Variants in TMEM232 observed in about 807,000 individuals in gnomAD.
TMEM232 encodes the protein transmembrane protein 232.
A neutral mutation model predicts 78.8 loss-of-function variants in TMEM232; 80 were observed. The observed-to-expected ratio is 1.01, with a 90% confidence interval of 0.85 to 1.22. The LOEUF (loss-of-function observed/expected upper bound fraction) is 1.22, where lower values mean the gene tolerates loss of function less well. Among genes scored for constraint, TMEM232 ranks in the 50% most tolerant of loss-of-function variants. The pLI is 0.00. For missense variants in TMEM232, 881 were observed against 742.2 expected (o/e 1.19, Z -2.17); for synonymous variants, 297 against 254.3 (o/e 1.17, Z -1.60).
chr5:110,498,825 A>C (rs1268169868), intron 12 of TMEM232, among the ~76,000 whole-genome samples: 1 of 152,148 alleles, frequency 6.6e-6, no homozygotes, highest in Admixed American at 6.6e-5. Flanking sequence ...CTAAGACTAA[A>C]AGCTAAACTA....
chr5:110,719,023 CAA>C (rs922581049), intron 1 of TMEM232, among the ~76,000 whole-genome samples: 2 of 151,982 alleles, frequency 1.3e-5, no homozygotes, highest in African/African-American at 4.8e-5. Context: ...GTGCAAACAT[CAA>C]AGAGTCTACT....
intron 1 of TMEM232, among the ~76,000 whole-genome samples, chr5:110,735,818 G>T (rs890095726): frequency 1.3e-5 from 2 of 152,132 alleles, no homozygotes; most frequent in Non-Finnish European, 2.9e-5. Context: ...ACAGCAATCA[G>T]CAAGAAATAA....
chr5:110,500,046 C>A (rs540878292), intron 12 of TMEM232, among the ~76,000 whole-genome samples: 119 of 152,060 alleles, frequency 7.8e-4, no homozygotes, highest in Non-Finnish European at 1.4e-3. Context: ...AATCCCAGCA[C>A]TTTGGGAGGC....
intron 11 of TMEM232, among the ~76,000 whole-genome samples, chr5:110,566,961 G>A (rs1776414246): frequency 6.6e-6 from 1 of 151,932 alleles, no homozygotes; most frequent in Non-Finnish European, 1.5e-5. Context: ...CATGGTGGAA[G>A]GTGAAGGAGG....
chr5:110,616,764 A>C (rs544100680), intron 8 of TMEM232, among the ~76,000 whole-genome samples: 1 of 152,260 alleles, frequency 6.6e-6, no homozygotes, highest in East Asian at 1.9e-4. Context: ...TTATCACCTC[A>C]CACCTGTTAG....
intron 2 of TMEM232, among the ~76,000 whole-genome samples, chr5:110,411,114 G>T (rs1755980639): frequency 6.6e-6 from 1 of 152,180 alleles, no homozygotes; most frequent in South Asian, 2.1e-4. Flanking sequence ...CGAATAAAAA[G>T]GATGTAGAAC....
chr5:110,398,405 T>A (rs1213472061), intron 2 of TMEM232, among the ~76,000 whole-genome samples: 1 of 152,166 alleles, frequency 6.6e-6, no homozygotes, highest in African/African-American at 2.4e-5. Context: ...GAGGTCTATT[T>A]AAGTATCGCG....
At chr5:110,457,995 T>G (rs1761077863) in intron 12 of TMEM232, among the ~76,000 whole-genome samples, 1 of 152,108 alleles carries the variant, frequency 6.6e-6, no homozygotes, top group Admixed American at 6.5e-5. Flanking sequence ...ATTAAAAAGT[T>G]TTTTCATCAA....
At chr5:110,652,016 T>A (rs1477656900) in intron 2 of TMEM232, among the ~76,000 whole-genome samples, 1 of 152,258 alleles carries the variant, frequency 6.6e-6, no homozygotes. Context: ...TTGAAATGTA[T>A]AAAATGTACT....
At chr5:110,391,862 CA>C (rs559887336) in intron 3 of TMEM232, among the ~76,000 whole-genome samples, 91 of 152,182 alleles carry the variant, frequency 6.0e-4, no homozygotes, top group Non-Finnish European at 1.2e-3. Context: ...GCAGTTTGGA[CA>C]GGGGTAGAGT....
At chr5:110,711,035 A>G (rs529882978) in intron 1 of TMEM232, among the ~76,000 whole-genome samples, 1 of 152,348 alleles carries the variant, frequency 6.6e-6, no homozygotes, top group African/African-American at 2.4e-5. Context: ...TCACCAAAAA[A>G]CGATTAGAAC....
chr5:110,536,801 T>C (rs1479019516), intron 11 of TMEM232, among the ~76,000 whole-genome samples: 5 of 152,064 alleles, frequency 3.3e-5, no homozygotes, highest in African/African-American at 9.7e-5. Flanking sequence ...GTGTGGGGCA[T>C]GGGGGGCATT....
At chr5:110,446,481 ATTGCTTG>A (rs1759661506) in intron 12 of TMEM232, among the ~76,000 whole-genome samples, 1 of 152,142 alleles carries the variant, frequency 6.6e-6, no homozygotes, top group South Asian at 2.1e-4. Context: ...CAGAGAAGCA[ATTGCTTG>A]CCATAGCAAC....
intron 2 of TMEM232, among the ~76,000 whole-genome samples, chr5:110,398,255 A>T (rs755701165): frequency 1.3e-5 from 2 of 152,156 alleles, no homozygotes; most frequent in Admixed American, 1.3e-4. Context: ...CTGATGGGAA[A>T]AATTTGAAGT....
At chr5:110,738,116 A>G (rs1489152113), upstream of TMEM232, 5 of 762,326 alleles carry the variant, frequency 6.6e-6, no homozygotes, top group African/African-American at 1.9e-5. Flanking sequence ...TGCACGTCAG[A>G]GTTCTCTTGG....
intron 7 of TMEM232, among the ~76,000 whole-genome samples, chr5:110,619,044 T>A (rs926677758): frequency 6.6e-6 from 1 of 152,188 alleles, no homozygotes; most frequent in Non-Finnish European, 1.5e-5. Flanking sequence ...AGCCTAAAAA[T>A]TCAGATAACA....
chr5:110,393,777 T>G (rs1345990371), intron 3 of TMEM232, among the ~76,000 whole-genome samples: 1 of 151,772 alleles, frequency 6.6e-6, no homozygotes, highest in African/African-American at 2.4e-5. Flanking sequence ...ACCAACATGG[T>G]GAAACCCCAT....
intron 10 of TMEM232, among the ~76,000 whole-genome samples, chr5:110,576,300 T>C (rs537867462): frequency 1.3e-5 from 2 of 151,918 alleles, no homozygotes; most frequent in Non-Finnish European, 2.9e-5. Context: ...ACAAAAAGAA[T>C]GAAATACCAA....
chr5:110,727,994 A>T (rs1798322324), upstream of TMEM232, among the ~76,000 whole-genome samples: 1 of 152,182 alleles, frequency 6.6e-6, no homozygotes, highest in Non-Finnish European at 1.5e-5. Context: ...CAAGAGATCT[A>T]GAAAAGTGTT....
Sources: allele counts gnomAD v4.1 joint callset (sites outside exome capture counted in the v4.1 genomes callset), GRCh38; gene constraint gnomAD v4.1.1; transcripts MANE v1.5; gene names NCBI Gene and HGNC (gene_info 2026-07-23, HGNC 2026-07-21).